Variants in RYR3 observed in about 807,000 individuals in gnomAD.
The protein encoded by RYR3 is brain ryanodine receptor-calcium release channel.
Under a neutral mutation model 584.3 loss-of-function variants are expected in RYR3, and 207 were observed. That is an observed-to-expected ratio of 0.35 (90% CI 0.32 to 0.40). The LOEUF is 0.40. RYR3 is among the 10% of genes least tolerant of loss of function. The probability of loss-of-function intolerance (pLI) is 1.00; values close to 1 mark genes in which losing one functional copy is unlikely to be tolerated. For synonymous variants in RYR3, 2,416 were observed against 2,248.5 expected (o/e 1.07, Z -2.11); for missense variants, 5,616 against 6,089.2 (o/e 0.92, Z 2.59).
At chr15:33,343,899 T>C (rs1972122837) in intron 1 of RYR3, among the ~76,000 whole-genome samples, 1 of 152,212 alleles carries the variant, frequency 6.6e-6, no homozygotes, top group Admixed American at 6.5e-5. Context: ...GTAGTAATTC[T>C]TGATGTCTTC....
chr15:33,586,709 A>G (rs2058865504), intron 16 of RYR3, among the ~76,000 whole-genome samples: 1 of 152,152 alleles, frequency 6.6e-6, no homozygotes, highest in Non-Finnish European at 1.5e-5. Flanking sequence ...GCATCTCACT[A>G]AGTGGAATGC....
chr15:33,459,142 C>T (rs1395971703), intron 1 of RYR3, among the ~76,000 whole-genome samples: 1 of 152,206 alleles, frequency 6.6e-6, no homozygotes, highest in Non-Finnish European at 1.5e-5. Flanking sequence ...TGGGCTAGGG[C>T]CCAGGCATCA....
intron 8 of RYR3, among the ~76,000 whole-genome samples, chr15:33,547,443 A>C (rs1167464568): frequency 6.6e-6 from 1 of 152,214 alleles, no homozygotes; most frequent in Non-Finnish European, 1.5e-5. Context: ...AGTTTTGACA[A>C]ACGTACCCTG....
chr15:33,580,018 A>T lies in RYR3; in HGVS notation c.1311A>T (p.Glu437Asp), dbSNP rs2058511723. 2 of 1,613,326 alleles carry T rather than the reference A, an allele frequency of 1.2e-6. No individual in the cohort carries two copies. Among genetic ancestry groups the T allele is most frequent in the South Asian group, 1.1e-5 (1 of 90,988 alleles). The change falls in exon 13 of 104, where the codon GAA becomes GAT. Residue 437 changes from glutamate to aspartate, a missense_variant. By Grantham distance (45) the Glu-to-Asp change is conservative (BLOSUM62 2). Transcript: ENST00000634891. ...RTAAPITLPI[E>D]EVLQTLQDLI... is the part of the protein sequence containing the mutation. ...CTGCCCCCATCACCCTGCCTATAGA[A>T]GAAGTCCTGCAGACCCTACAGGACT...
At chr15:33,319,417 G>T (rs1968646730) in intron 1 of RYR3, among the ~76,000 whole-genome samples, 1 of 152,196 alleles carries the variant, frequency 6.6e-6, no homozygotes, top group Non-Finnish European at 1.5e-5. Flanking sequence ...AGGACACTTG[G>T]CTATTGTTCC....
At position 33,757,697 on chromosome 15, in the gene RYR3, C is replaced by T. The variant is rs968789793; in HGVS notation, c.8705+101C>T. 3.8e-6 allele frequency: 5 copies of T among 1,304,468 alleles called. No homozygotes were observed. In the African/African-American group the frequency reaches 7.4e-5, roughly 19 times the overall value. The allele number at this position is 1,304,468 out of a possible 1,614,324, so 80.8% of individuals were successfully genotyped here. A position where few individuals can be genotyped will look rare whatever the true frequency, so the allele number is the denominator to read the frequency against. On this transcript the variant is annotated intron_variant, in intron 60 of 103. Transcript: ENST00000634891. ...AGGCGAGTCTTTTGGAGAAATGAAA[C>T]TGGATGATGTTTTGGTTTGTCATCT... is the stretch of plus-strand genomic sequence containing the variant.
chr15:33,420,638 C>T (rs1449335902), intron 1 of RYR3, among the ~76,000 whole-genome samples: 1 of 151,912 alleles, frequency 6.6e-6, no homozygotes, highest in Non-Finnish European at 1.5e-5. Flanking sequence ...AGAATCAGAT[C>T]TCTAAATTTG....
At position 33,431,749 on chromosome 15, in the gene RYR3, A is replaced by C. The variant is rs185501493; in HGVS notation, c.52-41670A>C. 1.5e-4 allele frequency among the ~76,000 whole-genome samples: 23 copies of C among 152,256 alleles called. 1 individual carries two copies. The East Asian group carries it at 4.2e-3, about 28-fold the overall frequency. On this transcript the variant is annotated intron_variant, in intron 1 of 103. Transcript: ENST00000634891. The stretch of plus-strand genomic sequence containing the variant: ...CTCCTGCACTCCAGCCTGAAAAAGA[A>C]ATGAGGGCGACAACAGAGATAGAAG...
At chr15:33,514,503 G>A (rs1407120664) in intron 3 of RYR3, among the ~76,000 whole-genome samples, 3 of 152,056 alleles carry the variant, frequency 2.0e-5, no homozygotes, top group East Asian at 3.9e-4. Flanking sequence ...CCTGAGTCCT[G>A]CTCTCTGGGT....
Position 33,831,106 on chromosome 15 carries a change from G to T in RYR3, c.11463+15G>T. On this transcript the variant is annotated intron_variant, in intron 86 of 103. Coordinates refer to ENST00000634891, the MANE Select transcript of RYR3 (RefSeq NM_001036.6). The stretch of plus-strand genomic sequence containing the variant: ...AATACATCCAGGTATGTGCTACAGA[G>T]TGCATGGTTGAAAACAAAGAGAACA... 1.9e-6 allele frequency: 3 copies of T among 1,608,686 alleles called. No individual in the cohort carries two copies. Among genetic ancestry groups the T allele is most frequent in the Non-Finnish European group, 2.5e-6 (3 of 1,178,272 alleles).
At chr15:33,345,835 G>C (rs1220146020) in intron 1 of RYR3, among the ~76,000 whole-genome samples, 1 of 152,202 alleles carries the variant, frequency 6.6e-6, no homozygotes, top group Non-Finnish European at 1.5e-5. Flanking sequence ...ATCCCTACAT[G>C]AAAGTGAAAA....
At chr15:33,623,227 T>C (rs1477749432) in intron 19 of RYR3, among the ~76,000 whole-genome samples, 2 of 152,228 alleles carry the variant, frequency 1.3e-5, no homozygotes, top group Non-Finnish European at 2.9e-5. Context: ...ATATGGCTGC[T>C]GCGGGGGAAT....
At chr15:33,858,030 C>A in intron 99 of RYR3, 116 bp downstream of exon 99, 2 of 1,265,164 alleles carry the variant, frequency 1.6e-6, no homozygotes, top group Non-Finnish European at 2.2e-6. Flanking sequence ...GAGTTAGTTA[C>A]AGAGCACAGC....
At position 33,697,945 on chromosome 15, in the gene RYR3, C is replaced by T. The variant is rs750012770; in HGVS notation, c.6198C>T (p.His2066=). Reference sequence around the variant, plus strand: ...ACCTCATGAGAGTCCTGGGCATGCACGAGACGGTGATGGAGGTGATGGTGA... The same window carrying T: ...ACCTCATGAGAGTCCTGGGCATGCATGAGACGGTGATGGAGGTGATGGTGA... The part of the protein sequence containing the change: ...HPNLMRVLGM[H]ETVMEVMVNV... The change falls in exon 40 of 104, where the codon CAC becomes CAT. Residue 2066 remains histidine, a synonymous_variant. Transcript: ENST00000634891. 20 of 1,613,738 alleles carry T rather than the reference C, an allele frequency of 1.2e-5. No homozygotes were observed. The highest frequency in any genetic ancestry group is 3.3e-5 in the Admixed American group (2 of 59,982).
intron 66 of RYR3, among the ~76,000 whole-genome samples, chr15:33,786,978 C>T (rs182855344): frequency 3.5e-4 from 54 of 152,182 alleles, no homozygotes; most frequent in African/African-American, 1.2e-3. Context: ...TATTGTTAAC[C>T]ATAAGGTAAT....
At chr15:33,844,307 A>G (rs928814374) in intron 92 of RYR3, among the ~76,000 whole-genome samples, 2 of 152,234 alleles carry the variant, frequency 1.3e-5, no homozygotes, top group African/African-American at 4.8e-5. Flanking sequence ...TTGAGGTTGA[A>G]GTGACTTCAG....
rs370050242 is a variant in RYR3, at chr15:33,662,920, C to T, written c.5390C>T (p.Thr1797Ile). 1.9e-6 allele frequency: 3 copies of T among 1,612,808 alleles called. No homozygotes were observed. The highest frequency in any genetic ancestry group is 2.7e-5 in the African/African-American group (2 of 74,894). The stretch of plus-strand genomic sequence containing the variant: ...GCTCCTGTCAAAGGCTTGTTGCAGA[C>T]TCGATTACCCGAATCCGTCAAGCTG... ...KEAPVKGLLQTRLPESVKLQM... is the reference protein window; with the variant it reads ...KEAPVKGLLQIRLPESVKLQM... Residue 1797 changes from threonine to isoleucine, a missense_variant, in exon 35 of 104, where the codon ACT becomes ATT. Coordinates refer to ENST00000634891, the MANE Select transcript of RYR3 (RefSeq NM_001036.6).
At chr15:33,562,453 G>A (rs1360719823) in intron 10 of RYR3, among the ~76,000 whole-genome samples, 1 of 152,172 alleles carries the variant, frequency 6.6e-6, no homozygotes, top group Non-Finnish European at 1.5e-5. Flanking sequence ...TACAATTATG[G>A]AAGATGTCAC....
chr15:33,725,979 A>C (rs1036879628), intron 45 of RYR3, among the ~76,000 whole-genome samples: 112 of 55,700 alleles, frequency 2.0e-3, no homozygotes, highest in African/African-American at 7.2e-3. Flanking sequence ...CCCCCCCCAA[A>C]AAAAAAAAAA....
Sources: allele counts gnomAD v4.1 joint callset (sites outside exome capture counted in the v4.1 genomes callset), GRCh38; gene constraint gnomAD v4.1.1; transcripts MANE v1.5; gene names NCBI Gene and HGNC (gene_info 2026-07-23, HGNC 2026-07-21).